The following ZNF519 variants were observed in gnomAD, a reference collection of about 807,000 sequenced individuals.
ZNF519 encodes the protein zinc finger protein 519.
In ZNF519, 7 loss-of-function variants were observed where a neutral mutation model predicts 7.4. That is an observed-to-expected ratio of 0.94 (90% CI 0.54 to 1.77). ZNF519 has a LOEUF of 1.77. Ranked by LOEUF, ZNF519 falls within the 40% of genes most tolerant of loss-of-function variation. The pLI, the probability that ZNF519 is intolerant of heterozygous loss-of-function variation, is 0.00. For synonymous variants in ZNF519, 179 were observed against 203.3 expected (o/e 0.88, Z 1.02); for missense variants, 586 against 623.1 (o/e 0.94, Z 0.63).
At chr18:14,088,759 C>G (rs533467083) in intron 2 of ZNF519, among the ~76,000 whole-genome samples, 2 of 152,182 alleles carry the variant, frequency 1.3e-5, no homozygotes, top group South Asian at 2.1e-4. Flanking sequence ...ACTTTAATTT[C>G]TTTATTTTAA....
exon 5 of ZNF519, chr18:14,076,245 T>A (rs988670310): frequency 2.6e-5 from 4 of 152,194 alleles, no homozygotes; most frequent in African/African-American, 9.7e-5. Flanking sequence ...GGTTGTATAT[T>A]TATAAAATAT....
At position 14,100,308 on chromosome 18, in the gene ZNF519, T is replaced by C. The variant is rs1367321600; in HGVS notation, c.*4609A>G. On this transcript the variant is annotated 3_prime_UTR_variant, in exon 3 of 3. Transcript: ENST00000590202. ...ACTACCCTATGAGCCAGGAATTGTA[T>C]GCTGGAAATATTTTCCAGAGTAATG... 1 of 152,178 alleles carries C rather than the reference T, an allele frequency of 6.6e-6. No individual in the cohort carries two copies. Among genetic ancestry groups the C allele is most frequent in the African/African-American group, 2.4e-5 (1 of 41,440 alleles). The allele number at this position is 152,178 out of a possible 1,614,324, so 9.4% of individuals were successfully genotyped here.
At chr18:14,120,980 C>T (rs140903789) in intron 2 of ZNF519, among the ~76,000 whole-genome samples, 2 of 151,990 alleles carry the variant, frequency 1.3e-5, no homozygotes, top group East Asian at 3.9e-4. Context: ...TACATACACA[C>T]ACACAGAGAA....
downstream of ZNF519, among the ~76,000 whole-genome samples, chr18:14,097,640 T>C (rs940679616): frequency 6.6e-6 from 1 of 152,176 alleles, no homozygotes; most frequent in Non-Finnish European, 1.5e-5. Flanking sequence ...TCAAGGGGCT[T>C]GGATGTACAG....
At chr18:14,129,747 C>A (rs569045852) in intron 1 of ZNF519, among the ~76,000 whole-genome samples, 2 of 152,306 alleles carry the variant, frequency 1.3e-5, no homozygotes, top group South Asian at 4.1e-4. Flanking sequence ...ACTGTCCTCA[C>A]TGCCGATGCC....
At chr18:14,114,168 T>A (rs2046235355) in intron 2 of ZNF519, among the ~76,000 whole-genome samples, 1 of 152,170 alleles carries the variant, frequency 6.6e-6, no homozygotes, top group African/African-American at 2.4e-5. Flanking sequence ...CCATTTTTGC[T>A]TTGGTTGCCT....
chr18:14,113,306 C>T (rs2046230795), intron 2 of ZNF519, among the ~76,000 whole-genome samples: 2 of 152,212 alleles, frequency 1.3e-5, no homozygotes, highest in Admixed American at 1.3e-4. Context: ...TAAATGCATA[C>T]CTGATTGCCT....
In ZNF519 at chr18:14,100,509, T is replaced by C. The variant is rs1166692207; in HGVS notation, c.*4408A>G. The C allele has an allele frequency of 6.6e-6, 1 of 152,122 alleles. No homozygotes were observed. The highest frequency in any genetic ancestry group is 1.5e-5 in the Non-Finnish European group (1 of 68,014). 9.4% of individuals were successfully genotyped at this position (152,122 alleles called of 1,614,324 possible). A position where few individuals can be genotyped will look rare whatever the true frequency, so the allele number is the denominator to read the frequency against. On this transcript the variant is annotated 3_prime_UTR_variant, in exon 3 of 3. Transcript: ENST00000590202. ...CACAGCAATAACAAAAGGAACAAAC[T>C]AAAACATAAACCAATTTAGATGAAT...
chr18:14,128,690 A>ACACACACACAC (rs2046313825), intron 1 of ZNF519, among the ~76,000 whole-genome samples: 1 of 130,558 alleles, frequency 7.7e-6, no homozygotes, highest in Non-Finnish European at 1.6e-5. Context: ...TTCTGAGTCA[A>ACACACACACAC]ACACACACAC....
chr18:14,100,615 G>A lies in ZNF519; in HGVS notation c.*4302C>T, dbSNP rs2046156001. 1 of 152,174 alleles carries A rather than the reference G, an allele frequency of 6.6e-6. No individual in the cohort carries two copies. The highest frequency in any genetic ancestry group is 2.1e-4 in the South Asian group (1 of 4,830). 9.4% of individuals were successfully genotyped at this position (152,174 alleles called of 1,614,324 possible). On this transcript the variant is annotated 3_prime_UTR_variant, in exon 3 of 3. Transcript: ENST00000590202. ...TGATTTCATTTATATAACATTATTG[G>A]AATGACAAATTTGCAGAAATAGAAA...
intron 2 of ZNF519, among the ~76,000 whole-genome samples, chr18:14,108,799 A>G (rs768159618): frequency 1.3e-5 from 2 of 152,186 alleles, no homozygotes; most frequent in Non-Finnish European, 2.9e-5. Flanking sequence ...ACGGTTATCT[A>G]TATAATGAGG....
chr18:14,095,575 G>C (rs979151272), downstream of ZNF519, among the ~76,000 whole-genome samples: 1 of 152,202 alleles, frequency 6.6e-6, no homozygotes, highest in African/African-American at 2.4e-5. Context: ...CAGTGCAGCA[G>C]TGATACAAAT....
At position 14,127,489 on chromosome 18, in the gene ZNF519, C is replaced by T. The variant is rs574632025; in HGVS notation, c.4-3013G>A. 1.6e-4 allele frequency among the ~76,000 whole-genome samples: 24 copies of T among 152,270 alleles called. 1 individual carries two copies. The South Asian group carries it at 5.0e-3, about 32-fold the overall frequency. ...GAGGAAAGATCCTCTCATGGAGGCT[C>T]CTTCAACACCTTTTCTTCTCTCAAA... On this transcript the variant is annotated intron_variant, in intron 1 of 2. Coordinates refer to ENST00000590202, the MANE Select transcript of ZNF519 (RefSeq NM_145287.4).
chr18:14,125,868 T>C (rs116606237), intron 1 of ZNF519, among the ~76,000 whole-genome samples: 1,840 of 152,234 alleles, frequency 0.012, 41 homozygotes, highest in African/African-American at 0.042. Flanking sequence ...GTATTTTTAG[T>C]ACAGCCGGGG....
chr18:14,129,579 T>A (rs1000387036), intron 1 of ZNF519, among the ~76,000 whole-genome samples: 2 of 152,180 alleles, frequency 1.3e-5, no homozygotes, highest in African/African-American at 4.8e-5. Context: ...AGTCTCCTTA[T>A]AGACCAGGCC....
At chr18:14,112,807 A>C (rs879384881) in intron 2 of ZNF519, among the ~76,000 whole-genome samples, 1 of 152,324 alleles carries the variant, frequency 6.6e-6, no homozygotes, top group South Asian at 2.1e-4. Context: ...TTTTTTGTTC[A>C]TAAGAAAAAT....
intron 2 of ZNF519, among the ~76,000 whole-genome samples, chr18:14,115,033 T>G (rs1231190441): frequency 6.6e-6 from 1 of 152,234 alleles, no homozygotes; most frequent in Non-Finnish European, 1.5e-5. Context: ...TCTTCATAGA[T>G]ATATGCACTT....
At chr18:14,129,626 G>A (rs1266604027) in intron 1 of ZNF519, among the ~76,000 whole-genome samples, 1 of 152,100 alleles carries the variant, frequency 6.6e-6, no homozygotes, top group Non-Finnish European at 1.5e-5. Flanking sequence ...AACGTAAGGA[G>A]TTTGCTGAAC....
chr18:14,131,161 A>T (rs999098409), intron 1 of ZNF519, among the ~76,000 whole-genome samples: 1 of 152,196 alleles, frequency 6.6e-6, no homozygotes, highest in African/African-American at 2.4e-5. Flanking sequence ...AGATGGCCTA[A>T]TAAGGGCGTT....
Sources: gnomAD v4.1 joint callset for allele counts (sites outside exome capture counted in the v4.1 genomes callset) on GRCh38, gnomAD v4.1.1 for gene constraint, MANE v1.5 for transcripts, NCBI Gene and HGNC (gene_info 2026-07-23, HGNC 2026-07-21) for gene names.